The following JAK2 variants were observed in gnomAD, a reference collection of about 807,000 sequenced individuals.
The protein encoded by JAK2 is Janus kinase 2, also known as tyrosine-protein kinase JAK2.
A neutral mutation model predicts 139.3 loss-of-function variants in JAK2; 86 were observed. The ratio of observed to expected loss-of-function variants is 0.62; its 90% CI spans 0.52 to 0.74. The LOEUF (loss-of-function observed/expected upper bound fraction) is 0.74. Ranked by LOEUF, JAK2 falls within the 30% of genes least tolerant of loss-of-function variation. The pLI, the probability that JAK2 is intolerant of heterozygous loss-of-function variation, is 0.00. For missense variants in JAK2, 1,421 were observed against 1,360.3 expected (o/e 1.04, Z -0.70); for synonymous variants, 490 against 437.7 (o/e 1.12, Z -1.49).
intron 3 of JAK2, among the ~76,000 whole-genome samples, chr9:5,022,945 C>T (rs80013412): frequency 3.0e-4 from 46 of 152,246 alleles, no homozygotes; most frequent in Non-Finnish European, 5.1e-4. Flanking sequence ...ATGATTACAT[C>T]AATTTATTCT....
chr9:5,102,283 G>T (rs1821560519), intron 22 of JAK2, among the ~76,000 whole-genome samples: 1 of 152,132 alleles, frequency 6.6e-6, no homozygotes, highest in Non-Finnish European at 1.5e-5. Context: ...GTGGAAGAAA[G>T]GGTATCAGTG....
intron 14 of JAK2, among the ~76,000 whole-genome samples, chr9:5,074,242 C>G (rs371979296): frequency 2.0e-5 from 3 of 152,164 alleles, no homozygotes; most frequent in South Asian, 4.2e-4. Flanking sequence ...TTCACAGAAA[C>G]TACTAAAAGT....
intron 2 of JAK2, among the ~76,000 whole-genome samples, chr9:5,015,645 A>G (rs1822004964): frequency 6.6e-6 from 1 of 151,496 alleles, no homozygotes; most frequent in African/African-American, 2.4e-5. Flanking sequence ...GGCTCAAGTG[A>G]TCCTATTGTT....
In JAK2 at chr9:5,087,928, A is replaced by G. The variant is rs571457911; in HGVS notation, c.2572-1746A>G. 2.6e-3 allele frequency among the ~76,000 whole-genome samples: 393 copies of G among 152,346 alleles called. 1 individual carries two copies. The highest frequency in any genetic ancestry group is 3.9e-3 in the Non-Finnish European group (262 of 68,028). ...ATGTTAAAATTAGTGCATTCGTGTG[A>G]CAATATACAATAATTAAAAATTATT... On this transcript the variant is annotated intron_variant, in intron 19 of 24. Coordinates refer to ENST00000381652, the MANE Select transcript of JAK2 (RefSeq NM_004972.4).
Position 4,985,313 on chromosome 9 carries a change from C to T in JAK2, c.-426C>T, listed in dbSNP as rs1230323425. ...GGACGCCGCTAACGGCCTCCCTCGG[C>T]GCTGACAGGCTGGGCCGGCGCCCGG... On this transcript the variant is annotated 5_prime_UTR_variant, in exon 1 of 25. Coordinates refer to ENST00000381652, the MANE Select transcript of JAK2 (RefSeq NM_004972.4). 1 of 152,544 alleles carries T rather than the reference C, an allele frequency of 6.6e-6. No individual in the cohort carries two copies. The highest frequency in any genetic ancestry group is 1.5e-5 in the Non-Finnish European group (1 of 68,200). 9.4% of individuals were successfully genotyped at this position (152,544 alleles called of 1,614,324 possible).
intron 3 of JAK2, 37 bp from the exon 4 acceptor site, chr9:5,029,746 G>T (rs1333239791): frequency 6.4e-7 from 1 of 1,567,720 alleles, no homozygotes; most frequent in African/African-American, 1.4e-5. Flanking sequence ...ATTCTGTTGT[G>T]TACCTTTAAT....
chr9:5,095,320 G>C (rs149512056), intron 22 of JAK2, among the ~76,000 whole-genome samples: 393 of 152,020 alleles, frequency 2.6e-3, no homozygotes, highest in African/African-American at 9.3e-3. Flanking sequence ...TATCTGAACA[G>C]GCCTAGGAAT....
chr9:5,055,703 T>C lies in JAK2; in HGVS notation c.971T>C (p.Ile324Thr), dbSNP rs139103117. The change falls in exon 8 of 25, where the codon ATT becomes ACT. Residue 324 changes from isoleucine to threonine, a missense_variant. Ile to Thr is a moderately conservative substitution (Grantham distance 89). Transcript: ENST00000381652. ...LQLYCDFPNI[I>T]DVSIKQANQE... Reference sequence around the variant, plus strand: ...TTATATTGCGATTTTCCTAATATTATTGATGTCAGTATTAAGCAAGCAAAC... The same window carrying C: ...TTATATTGCGATTTTCCTAATATTACTGATGTCAGTATTAAGCAAGCAAAC... 7.1e-5 allele frequency: 113 copies of C among 1,586,122 alleles called. No homozygotes were observed. Among genetic ancestry groups the C allele is most frequent in the Non-Finnish European group, 9.4e-5 (109 of 1,155,878 alleles).
At chr9:4,987,597 G>A (rs1168173859) in intron 2 of JAK2, among the ~76,000 whole-genome samples, 11 of 151,548 alleles carry the variant, frequency 7.3e-5, no homozygotes, top group African/African-American at 2.2e-4. Context: ...TTAGCCGGGC[G>A]TGGTGGTGCA....
At position 5,081,708 on chromosome 9, in the gene JAK2, ATTCT is replaced by A. The variant is rs1275981523; in HGVS notation, c.2435-14_2435-11del. On this transcript the variant is annotated splice_polypyrimidine_tract_variant and intron_variant, in intron 18 of 24. Transcript: ENST00000381652. ...TTATTTGCTAATTTAAGGTGATAAT[ATTCT>A]TTATTTCTCCAGATTATGAACTATT... 1 of 1,558,336 alleles carries A rather than the reference ATTCT, an allele frequency of 6.4e-7. No individual in the cohort carries two copies.
chr9:5,014,164 CTTTTTTT>C (rs200845162), intron 2 of JAK2, among the ~76,000 whole-genome samples: 1 of 117,542 alleles, frequency 8.5e-6, no homozygotes, highest in Non-Finnish European at 1.9e-5. Context: ...TTTACTCTTT[CTTTTTTT>C]TTTTTTTTTT....
At chr9:5,087,157 C>A (rs1820188870) in intron 19 of JAK2, among the ~76,000 whole-genome samples, 1 of 152,118 alleles carries the variant, frequency 6.6e-6, no homozygotes, top group Admixed American at 6.5e-5. Flanking sequence ...AAGACATACC[C>A]GAGACTGGGT....
At position 5,054,740 on chromosome 9, in the gene JAK2, C is replaced by T. The variant is rs1817643888; in HGVS notation, c.792C>T (p.Ala264=). The stretch of plus-strand genomic sequence containing the variant: ...TAAATCTGGAAACTCTGCAGTCTGC[C>T]TTCTACACAGAGAAATTTGAAGTAA... The part of the protein sequence containing the change: ...YLINLETLQS[A]FYTEKFEVKE... Residue 264 remains alanine (A), a synonymous_variant, in exon 7 of 25, where the codon GCC becomes GCT. Transcript: ENST00000381652. The surrounding 1 kb of genome is among the most constrained non-coding windows in gnomAD (Gnocchi z 4.9). 5 of 1,613,282 alleles carry T rather than the reference C, an allele frequency of 3.1e-6. No individual in the cohort carries two copies. Among genetic ancestry groups the T allele is most frequent in the Non-Finnish European group, 4.2e-6 (5 of 1,179,444 alleles).
chr9:5,089,144 C>T (rs1820359453), intron 19 of JAK2, among the ~76,000 whole-genome samples: 1 of 152,182 alleles, frequency 6.6e-6, no homozygotes, highest in African/African-American at 2.4e-5. Flanking sequence ...TATATTTCAG[C>T]CTATAATTCC....
At chr9:5,046,233 T>C (rs1232501395) in intron 5 of JAK2, among the ~76,000 whole-genome samples, 1 of 152,184 alleles carries the variant, frequency 6.6e-6, no homozygotes, top group Non-Finnish European at 1.5e-5. Context: ...AGATGTCTAC[T>C]GAAGTCCTTT....
At chr9:5,112,186 T>C in intron 22 of JAK2, 1 of 262,074 alleles carries the variant, frequency 3.8e-6, no homozygotes, top group South Asian at 3.5e-5. Context: ...GGCGCTGGCC[T>C]TGGGCTTCGC....
rs527982744 is a variant in JAK2 at position 5,005,083 on chromosome 9, ATTTTTTTTTTTTTTTTTTTTTTTTTT to A, written c.-25-16856_-25-16831del. Among the ~76,000 whole-genome samples the A allele has an allele frequency of 1.6e-3, 64 of 40,032 alleles. 1 individual carries two copies. The highest frequency in any genetic ancestry group is 0.013 in the East Asian group (15 of 1,146). The allele number at this position is 40,032 out of a possible 152,430, so 26.3% of individuals were successfully genotyped here. ...AGGCATGTGCCAGCATGCCTGGCTA[ATTTTTTTTTTTTTTTTTTTTTTTTTT>A]TTTTTTTTTTTTTTTTTTTTTTTAG... On this transcript the variant is annotated intron_variant, in intron 2 of 24. Transcript: ENST00000381652.
intron 22 of JAK2, chr9:5,110,808 G>C (rs750624056): frequency 9.4e-6 from 4 of 426,632 alleles, no homozygotes; most frequent in African/African-American, 8.2e-5. Context: ...ACGCCTGGGG[G>C]CCCTGCTGCA....
At chr9:5,066,594 G>C in intron 9 of JAK2, 84 bp from the exon 10 acceptor site, 1 of 768,476 alleles carries the variant, frequency 1.3e-6, no homozygotes, top group East Asian at 2.6e-5. Flanking sequence ...TTTTAGATTT[G>C]ACTTTTGATT....
Sources: allele counts gnomAD v4.1 joint callset (sites outside exome capture counted in the v4.1 genomes callset), GRCh38; gene constraint gnomAD v4.1.1; non-coding constraint Gnocchi (gnomAD v3.1); transcripts MANE v1.5; gene names NCBI Gene and HGNC (gene_info 2026-07-23, HGNC 2026-07-21).